CPE: variants seen among roughly 807,000 people sequenced by gnomAD.
The protein encoded by CPE is carboxypeptidase E, also known as carbocypeptidase E.
CPE carries 17 observed loss-of-function variants against 53.5 expected under a neutral mutation model. The ratio of observed to expected loss-of-function variants is 0.32; its 90% CI spans 0.22 to 0.48. CPE has a LOEUF of 0.48. Ranked by LOEUF, CPE falls within the 20% of genes least tolerant of loss-of-function variation. The pLI, the probability that CPE is intolerant of heterozygous loss-of-function variation, is 0.99. For synonymous variants in CPE, 226 were observed against 228.8 expected (o/e 0.99, Z 0.11); for missense variants, 524 against 614.7 (o/e 0.85, Z 1.56).
At chr4:165,466,706 C>T (rs759700193) in intron 2 of CPE, among the ~76,000 whole-genome samples, 17 of 151,972 alleles carry the variant, frequency 1.1e-4, no homozygotes, top group Non-Finnish European at 1.9e-4. Flanking sequence ...TTATTAGAGA[C>T]GGGGTTTCAT....
chr4:165,473,705 T>C (rs1215190321), intron 3 of CPE, among the ~76,000 whole-genome samples: 1 of 152,070 alleles, frequency 6.6e-6, no homozygotes, highest in East Asian at 1.9e-4. Flanking sequence ...CCCAAAAGAG[T>C]GTGAATCTTT....
At chr4:165,392,491 A>G (rs1029923975) in intron 1 of CPE, among the ~76,000 whole-genome samples, 1 of 145,526 alleles carries the variant, frequency 6.9e-6, no homozygotes, top group African/African-American at 2.5e-5. Flanking sequence ...ATATATTTAC[A>G]ATATATGATA....
intron 3 of CPE, among the ~76,000 whole-genome samples, chr4:165,468,522 AT>A (rs1397535032): frequency 6.6e-6 from 1 of 152,106 alleles, no homozygotes; most frequent in Non-Finnish European, 1.5e-5. Flanking sequence ...AGAAACAAAT[AT>A]TTTCCCTTAG....
At chr4:165,451,937 T>C (rs1479101378) in intron 1 of CPE, among the ~76,000 whole-genome samples, 2 of 151,996 alleles carry the variant, frequency 1.3e-5, no homozygotes, top group African/African-American at 4.8e-5. Context: ...CCCCGTTTTT[T>C]TTTTCGTTTT....
chr4:165,395,847 T>C (rs1018298262), intron 1 of CPE, among the ~76,000 whole-genome samples: 3 of 152,176 alleles, frequency 2.0e-5, no homozygotes, highest in Non-Finnish European at 4.4e-5. Flanking sequence ...CCCAAAACAC[T>C]TGTCATGAAA....
intron 1 of CPE, among the ~76,000 whole-genome samples, chr4:165,457,582 T>C (rs576018204): frequency 1.3e-5 from 2 of 152,332 alleles, no homozygotes; most frequent in African/African-American, 4.8e-5. Context: ...TAAAAGCAAA[T>C]GCATAATTAA....
chr4:165,380,885 T>C lies in CPE; in HGVS notation c.307+1357T>C, dbSNP rs577648363. On this transcript the variant is annotated intron_variant, in intron 1 of 8. Coordinates refer to ENST00000402744, the MANE Select transcript of CPE (RefSeq NM_001873.4). ...ATCTACCAGGATTCAGCATGTAGGA[T>C]TGGACATTTTGAAACTTAGTTTCAT... Among the ~76,000 whole-genome samples, 11 of 152,342 alleles carry C rather than the reference T, an allele frequency of 7.2e-5. No individual in the cohort carries two copies. The South Asian group carries it at 1.0e-3, about 14-fold the overall frequency.
At chr4:165,495,030 G>T (rs141365153) in intron 7 of CPE, among the ~76,000 whole-genome samples, 258 of 152,310 alleles carry the variant, frequency 1.7e-3, no homozygotes, top group Admixed American at 2.8e-3. Flanking sequence ...TCCCAGGTTT[G>T]CACCCAAGTT....
chr4:165,483,026 C>T (rs73860791), intron 4 of CPE, among the ~76,000 whole-genome samples: 2,134 of 147,610 alleles, frequency 0.014, 55 homozygotes, highest in African/African-American at 0.05. Context: ...ATTTTAGATT[C>T]GGGGTACCTG....
rs1158518388 is a variant in CPE, at chr4:165,456,573, TC to T, written c.308-7816del. Among the ~76,000 whole-genome samples the T allele has an allele frequency of 1.1e-4, 16 of 151,842 alleles. No homozygotes were observed. In the East Asian group the frequency reaches 2.9e-3, roughly 28 times the overall value. ...CTCTCTCTTTCTCTCTCTCTCTCTCTCTTTCTTTGTTTCGACGGAGTCTTGC... is the reference window on the plus strand; with the variant it reads ...CTCTCTCTTTCTCTCTCTCTCTCTCTTTTCTTTGTTTCGACGGAGTCTTGC... On this transcript the variant is annotated intron_variant, in intron 1 of 8. Coordinates refer to ENST00000402744, the MANE Select transcript of CPE (RefSeq NM_001873.4).
intron 3 of CPE, among the ~76,000 whole-genome samples, chr4:165,479,892 G>A (rs7670456): frequency 1.3e-5 from 2 of 151,178 alleles, no homozygotes; most frequent in Non-Finnish European, 2.9e-5. Context: ...CGCGGGAGGC[G>A]GAGGCAGGAG....
rs929900550 is a variant in CPE at position 165,444,924 on chromosome 4, A to G, written c.308-19466A>G. On this transcript the variant is annotated intron_variant, in intron 1 of 8. Coordinates refer to ENST00000402744, the MANE Select transcript of CPE (RefSeq NM_001873.4). Reference sequence around the variant, plus strand: ...TAAAAATTATTTTAACTTCTTCCATATGTATTATTCCATTCTCTTTCTTCT... The same window carrying G: ...TAAAAATTATTTTAACTTCTTCCATGTGTATTATTCCATTCTCTTTCTTCT... Among the ~76,000 whole-genome samples, 3 of 149,830 alleles carry G rather than the reference A, an allele frequency of 2.0e-5. No homozygotes were observed. In the Admixed American group the frequency reaches 2.0e-4, roughly 10 times the overall value.
At chr4:165,391,768 G>T (rs1323532664) in intron 1 of CPE, among the ~76,000 whole-genome samples, 2 of 151,982 alleles carry the variant, frequency 1.3e-5, no homozygotes, top group African/African-American at 4.8e-5. Context: ...ATTTCAAAAG[G>T]GAACAAGAAA....
chr4:165,497,727 T>A lies in CPE; in HGVS notation c.*117T>A. The A allele has an allele frequency of 6.9e-6, 3 of 435,846 alleles. No homozygotes were observed. The highest frequency in any genetic ancestry group is 1.2e-5 in the Non-Finnish European group (3 of 260,568). 27.0% of individuals were successfully genotyped at this position (435,846 alleles called of 1,614,324 possible). A position where few individuals can be genotyped will look rare whatever the true frequency, so the allele number is the denominator to read the frequency against. ...AACATTGATTTATTTTTTAATCATT[T>A]AAATATTAATCAACTTTCCTTAAAA... On this transcript the variant is annotated 3_prime_UTR_variant, in exon 9 of 9. Coordinates refer to ENST00000402744, the MANE Select transcript of CPE (RefSeq NM_001873.4).
At chr4:165,407,944 T>C (rs1299690852) in intron 1 of CPE, among the ~76,000 whole-genome samples, 1 of 151,952 alleles carries the variant, frequency 6.6e-6, no homozygotes, top group Non-Finnish European at 1.5e-5. Flanking sequence ...GCCTCCCAAT[T>C]AGCTGAGACA....
At chr4:165,488,850 A>C in intron 6 of CPE, among the ~76,000 whole-genome samples, 1 of 85,656 alleles carries the variant, frequency 1.2e-5, no homozygotes, top group South Asian at 4.3e-4. Flanking sequence ...AGGCTGCTCT[A>C]AAAAAAAAAA....
At chr4:165,486,231 A>T (rs1281214919) in intron 5 of CPE, among the ~76,000 whole-genome samples, 1 of 152,136 alleles carries the variant, frequency 6.6e-6, no homozygotes, top group South Asian at 2.1e-4. Context: ...GTGAGCTCTA[A>T]CAGCCAACAC....
At chr4:165,478,677 G>C (rs908804515) in intron 3 of CPE, among the ~76,000 whole-genome samples, 1 of 152,056 alleles carries the variant, frequency 6.6e-6, no homozygotes, top group Admixed American at 6.5e-5. Context: ...TATTTTTTAT[G>C]GCTGTATCAA....
At chr4:165,458,134 T>C (rs1294636555) in intron 1 of CPE, among the ~76,000 whole-genome samples, 1 of 152,246 alleles carries the variant, frequency 6.6e-6, no homozygotes, top group Admixed American at 6.5e-5. Flanking sequence ...GGGAGGATCA[T>C]TGATGAAGAG....
Sources: gnomAD v4.1 joint callset for allele counts (sites outside exome capture counted in the v4.1 genomes callset) on GRCh38, gnomAD v4.1.1 for gene constraint, MANE v1.5 for transcripts, NCBI Gene and HGNC (gene_info 2026-07-23, HGNC 2026-07-21) for gene names.